Variants in NAV1 observed in about 807,000 individuals in gnomAD.
The protein encoded by NAV1 is neuron navigator 1.
A neutral mutation model predicts 175.2 loss-of-function variants in NAV1; 18 were observed. That is an observed-to-expected ratio of 0.10 (90% CI 0.07 to 0.15). The LOEUF (loss-of-function observed/expected upper bound fraction) is 0.15. NAV1 is among the 10% of genes least tolerant of loss of function. The probability of loss-of-function intolerance (pLI) is 1.00; values close to 1 mark genes in which losing one functional copy is unlikely to be tolerated. For missense variants in NAV1, 1,731 were observed against 2,436.6 expected, an observed-to-expected ratio of 0.71 and a Z score of 6.10; for synonymous variants, 897 against 978.7, an observed-to-expected ratio of 0.92 and a Z score of 1.56.
At chr1:201,762,186 A>T (rs1355519624) in intron 3 of NAV1, among the ~76,000 whole-genome samples, 1 of 152,176 alleles carries the variant, frequency 6.6e-6, no homozygotes, top group Non-Finnish European at 1.5e-5. Flanking sequence ...AAAAAACCCA[A>T]AAAACTGAAT....
chr1:201,624,341 T>C (rs1053016771), intron 1 of NAV1, among the ~76,000 whole-genome samples: 2 of 139,828 alleles, frequency 1.4e-5, no homozygotes, highest in Non-Finnish European at 3.1e-5. Flanking sequence ...CTACGCTTTT[T>C]TTTTTTTTTT....
At chr1:201,560,476 G>A (rs1666166441) in intron 1 of NAV1, among the ~76,000 whole-genome samples, 1 of 152,138 alleles carries the variant, frequency 6.6e-6, no homozygotes, top group East Asian at 1.9e-4. Flanking sequence ...TCTAGCCTTG[G>A]CCATCCTGGT....
intron 8 of NAV1, among the ~76,000 whole-genome samples, chr1:201,785,768 T>G (rs1228228760): frequency 6.8e-6 from 1 of 146,912 alleles, no homozygotes; most frequent in Non-Finnish European, 1.5e-5. Context: ...AGTTGTTCAG[T>G]TGGGTGGCAA....
At chr1:201,566,726 A>G (rs1262724357) in intron 1 of NAV1, among the ~76,000 whole-genome samples, 1 of 152,122 alleles carries the variant, frequency 6.6e-6, no homozygotes, top group Non-Finnish European at 1.5e-5. Context: ...TTATCATAGA[A>G]AAATAGAAAA....
chr1:201,579,781 C>T (rs1666795964), intron 1 of NAV1, among the ~76,000 whole-genome samples: 1 of 152,152 alleles, frequency 6.6e-6, no homozygotes, highest in African/African-American at 2.4e-5. Context: ...TATTAGGGTT[C>T]TTCAGAGAAA....
intron 2 of NAV1, among the ~76,000 whole-genome samples, chr1:201,605,656 G>A (rs1015119403): frequency 3.3e-5 from 5 of 152,208 alleles, no homozygotes; most frequent in African/African-American, 1.2e-4. Flanking sequence ...AGTTCAGGAA[G>A]GCAGCCTGAA....
intron 2 of NAV1, among the ~76,000 whole-genome samples, chr1:201,607,870 T>TTGTGTG (rs57110688): frequency 0.13 from 17,544 of 138,016 alleles, 1,159 homozygotes; most frequent in Admixed American, 0.17. Context: ...GATAACTTTA[T>TTGTGTG]TGTGTGTGTG....
chr1:201,560,576 T>G (rs1295705792), intron 1 of NAV1, among the ~76,000 whole-genome samples: 1 of 152,212 alleles, frequency 6.6e-6, no homozygotes, highest in Non-Finnish European at 1.5e-5. Context: ...GAATTGGCAA[T>G]GGACCCTAGG....
chr1:201,730,188 C>T lies in NAV1; in HGVS notation c.1226+11433C>T, dbSNP rs148109552. 3.9e-3 allele frequency among the ~76,000 whole-genome samples: 593 copies of T among 152,298 alleles called. 3 individuals carry two copies. The highest frequency in any genetic ancestry group is 0.013 in the African/African-American group (558 of 41,574). ...GTAATTTGCACTTTTATGATTCTCT[C>T]GCAATTGCATAGCATGCATGGTTTG... On this transcript the variant is annotated intron_variant, in intron 3 of 29. Coordinates refer to ENST00000367296, the Ensembl canonical transcript of NAV1.
intron 1 of NAV1, among the ~76,000 whole-genome samples, chr1:201,659,829 G>C (rs574943113): frequency 2.6e-5 from 4 of 152,232 alleles, no homozygotes; most frequent in African/African-American, 9.6e-5. Flanking sequence ...GGGGAGTGAG[G>C]GTTTCCCTTC....
intron 1 of NAV1, among the ~76,000 whole-genome samples, chr1:201,665,531 C>G (rs1391491889): frequency 6.6e-6 from 1 of 151,730 alleles, no homozygotes; most frequent in Admixed American, 6.6e-5. Context: ...TTGAAAAGCC[C>G]TCTCCTCTAC....
rs1434865549 is a variant in NAV1, at chr1:201,810,328, C to T, written c.4562-195C>T. On this transcript the variant is annotated intron_variant, in intron 23 of 29. Coordinates refer to ENST00000367296, the Ensembl canonical transcript of NAV1. This position sits in a 1 kb window ranked among gnomAD's most constrained non-coding sequence, Gnocchi z 6.0. ...GGCTTCTTGCTTCACTCCTCACCCCCAGCTCACAGCATGTCCCTAAAAAGA... is the reference window on the plus strand; with the variant it reads ...GGCTTCTTGCTTCACTCCTCACCCCTAGCTCACAGCATGTCCCTAAAAAGA... Among the ~76,000 whole-genome samples the T allele has an allele frequency of 1.3e-5, 2 of 152,112 alleles. No individual in the cohort carries two copies.
chr1:201,813,930 G>A lies in NAV1; in HGVS notation c.5340+672G>A, dbSNP rs1041246362. Reference sequence around the variant, plus strand: ...AAATTAGCCAGACGTGGTGGTGGGCGCCTGCAGTCCCAGCTACTTGGAAGG... The same window carrying A: ...AAATTAGCCAGACGTGGTGGTGGGCACCTGCAGTCCCAGCTACTTGGAAGG... On this transcript the variant is annotated intron_variant, in intron 28 of 29. Transcript: ENST00000367296. This position sits in a 1 kb window ranked among gnomAD's most constrained non-coding sequence, Gnocchi z 4.2. 6.6e-6 allele frequency among the ~76,000 whole-genome samples: 1 copy of A among 152,080 alleles called. No homozygotes were observed. The highest frequency in any genetic ancestry group is 1.5e-5 in the Non-Finnish European group (1 of 68,016).
chr1:201,683,633 C>T (rs1436063288), intron 1 of NAV1, among the ~76,000 whole-genome samples: 1 of 152,178 alleles, frequency 6.6e-6, no homozygotes, highest in African/African-American at 2.4e-5. Flanking sequence ...GCATACTCAC[C>T]TTCTGCTCTG....
intron 8 of NAV1, among the ~76,000 whole-genome samples, chr1:201,785,686 G>T (rs934571439): frequency 6.6e-6 from 1 of 151,534 alleles, no homozygotes; most frequent in Non-Finnish European, 1.5e-5. Flanking sequence ...AGGGAGAACA[G>T]TCTGCTTCTT....
At position 201,807,882 on chromosome 1, in the gene NAV1, C is replaced by A; in HGVS notation, c.3649-71C>A. The A allele has an allele frequency of 6.7e-7, 1 of 1,483,626 alleles. No homozygotes were observed. The highest frequency in any genetic ancestry group is 9.3e-7 in the Non-Finnish European group (1 of 1,071,430). The allele number at this position is 1,483,626 out of a possible 1,614,324, so 91.9% of individuals were successfully genotyped here. A position where few individuals can be genotyped will look rare whatever the true frequency, so the allele number is the denominator to read the frequency against. On this transcript the variant is annotated intron_variant, in intron 17 of 29. Coordinates refer to ENST00000367296, the Ensembl canonical transcript of NAV1. This position sits in a 1 kb window ranked among gnomAD's most constrained non-coding sequence, Gnocchi z 5.4. ...CTCCAGCTCTCTCTGTCTCAGAAGT[C>A]TCAATCCAGTCCTCCCCCATCCCAG...
intron 1 of NAV1, among the ~76,000 whole-genome samples, chr1:201,706,263 G>A (rs531779175): frequency 4.6e-5 from 7 of 150,660 alleles, no homozygotes; most frequent in Non-Finnish European, 4.4e-5. Context: ...GGGTGTGTGT[G>A]TGTGTGTGTG....
chr1:201,658,333 C>T (rs1669483173), intron 1 of NAV1, among the ~76,000 whole-genome samples: 1 of 151,956 alleles, frequency 6.6e-6, no homozygotes, highest in Non-Finnish European at 1.5e-5. Context: ...CCAGAAAGGG[C>T]AACTGAGGGC....
intron 1 of NAV1, among the ~76,000 whole-genome samples, chr1:201,709,590 C>A (rs960819143): frequency 2.0e-5 from 3 of 151,850 alleles, no homozygotes; most frequent in African/African-American, 4.9e-5. Flanking sequence ...TACCAGGGGC[C>A]CCAACCCTCC....
Sources: allele counts gnomAD v4.1 joint callset (sites outside exome capture counted in the v4.1 genomes callset), GRCh38; gene constraint gnomAD v4.1.1; non-coding constraint Gnocchi (gnomAD v3.1); transcripts MANE v1.5; gene names NCBI Gene and HGNC (gene_info 2026-07-23, HGNC 2026-07-21).